The following GGA2 variants were observed in gnomAD, a reference collection of about 807,000 sequenced individuals.
The protein encoded by GGA2 is ADP-ribosylation factor-binding protein GGA2.
GGA2 carries 48 observed loss-of-function variants against 79.5 expected under a neutral mutation model. The ratio of observed to expected loss-of-function variants is 0.60; its 90% CI spans 0.48 to 0.77. The LOEUF (loss-of-function observed/expected upper bound fraction) is 0.77, where lower values mean the gene tolerates loss of function less well. Ranked by LOEUF, GGA2 falls within the 30% of genes least tolerant of loss-of-function variation. The pLI is 0.00. For synonymous variants in GGA2, 317 were observed against 302.0 expected, an observed-to-expected ratio of 1.05 and a Z score of -0.51; for missense variants, 770 against 774.0, an observed-to-expected ratio of 0.99 and a Z score of 0.06.
intron 7 of GGA2, 127 bp from the exon 8 acceptor site, chr16:23,486,279 G>T: frequency 1.3e-6 from 1 of 787,656 alleles, no homozygotes; most frequent in Non-Finnish European, 2.1e-6. Flanking sequence ...TTAAGTGCAT[G>T]GGAGAACTCA....
intron 1 of GGA2, among the ~76,000 whole-genome samples, chr16:23,520,253 C>CCA (rs1555501913): frequency 1.7e-5 from 2 of 114,442 alleles, no homozygotes; most frequent in African/African-American, 6.7e-5. Context: ...AACTACGTCT[C>CCA]AAAAAAAAAA....
At chr16:23,478,981 C>T (rs755650798) in intron 11 of GGA2, 70 bp from the exon 12 acceptor site, 8 of 1,041,042 alleles carry the variant, frequency 7.7e-6, no homozygotes, top group Non-Finnish European at 1.2e-5. Flanking sequence ...AGTAATGCCA[C>T]ACCCATCCTT....
At position 23,480,532 on chromosome 16, in the gene GGA2, C is replaced by T. The variant is rs1964633522; in HGVS notation, c.1006+113G>A. ...CTTTCACAGGAAGGGGAACAAAGGG[C>T]GAGTTCTCTCATTTCTATTCCTTAA... On this transcript the variant is annotated intron_variant, in intron 10 of 16. Transcript: ENST00000309859. The T allele has an allele frequency of 5.7e-6, 5 of 880,092 alleles. No individual in the cohort carries two copies. In the Admixed American group the frequency reaches 7.4e-5, roughly 13 times the overall value. The allele number at this position is 880,092 out of a possible 1,614,324, so 54.5% of individuals were successfully genotyped here.
chr16:23,512,136 C>T (rs1965073636), upstream of GGA2, among the ~76,000 whole-genome samples: 2 of 152,182 alleles, frequency 1.3e-5, no homozygotes, highest in South Asian at 2.1e-4. Flanking sequence ...GAAGAAGAGA[C>T]CCAGAGCCAC....
At chr16:23,480,924 G>A (rs1225558148) in intron 9 of GGA2, among the ~76,000 whole-genome samples, 154 bp from the exon 10 acceptor site, 2 of 152,176 alleles carry the variant, frequency 1.3e-5, no homozygotes, top group African/African-American at 4.8e-5. Flanking sequence ...GACCCTATCA[G>A]GCCTAGTCAG....
intron 14 of GGA2, among the ~76,000 whole-genome samples, chr16:23,473,356 T>TTTA (rs1555498980): frequency 2.1e-5 from 3 of 140,402 alleles, no homozygotes; most frequent in Admixed American, 7.3e-5. Flanking sequence ...TTTTTTTTTT[T>TTTA]AGACAGAGTC....
chr16:23,499,540 G>A (rs898467452), intron 1 of GGA2, among the ~76,000 whole-genome samples: 2 of 152,152 alleles, frequency 1.3e-5, no homozygotes, highest in African/African-American at 2.4e-5. Flanking sequence ...TCCACAAAAT[G>A]TAAGGAGGTT....
At chr16:23,469,118 G>T in intron 15 of GGA2, 122 bp from the exon 16 acceptor site, 1 of 625,564 alleles carries the variant, frequency 1.6e-6, no homozygotes, top group Non-Finnish European at 2.9e-6. Flanking sequence ...CCTCTTAAAC[G>T]TGGTACCCCG....
Position 23,467,672 on chromosome 16 carries a change from G to T in GGA2, c.1760C>A (p.Thr587Lys). 1 of 1,603,074 alleles carries T rather than the reference G, an allele frequency of 6.2e-7. No individual in the cohort carries two copies. The highest frequency in any genetic ancestry group is 8.5e-7 in the Non-Finnish European group (1 of 1,169,918). Residue 587 changes from threonine to lysine, a missense_variant, in exon 17 of 17, where the codon ACA becomes AAA. Coordinates refer to ENST00000309859, the MANE Select transcript of GGA2 (RefSeq NM_015044.4). ...GAAAGGCTGTCCACCTTGGTTGAAT[G>T]TCAGCTTGTACCGTAAGCGGATAGG... Reference protein sequence around the residue: ...KEPIRLRYKLTFNQGGQPFSE... With the variant: ...KEPIRLRYKLKFNQGGQPFSE...
chr16:23,501,256 T>C, intron 1 of GGA2: 1 of 454,254 alleles, frequency 2.2e-6, no homozygotes, highest in Non-Finnish European at 4.4e-6. Flanking sequence ...TTTTAACTAA[T>C]GGTAGCATCG....
intron 8 of GGA2, among the ~76,000 whole-genome samples, chr16:23,484,240 T>C (rs932910117): frequency 7.3e-5 from 11 of 149,958 alleles, no homozygotes; most frequent in Non-Finnish European, 1.3e-4. Context: ...AAACCCTGTC[T>C]CTACTTAAAA....
chr16:23,479,736 G>C (rs376631291), intron 11 of GGA2, 29 bp downstream of exon 11: 2 of 1,612,672 alleles, frequency 1.2e-6, no homozygotes, highest in Non-Finnish European at 1.7e-6. Flanking sequence ...CCCATCCTGT[G>C]CCTGCTCCCC....
chr16:23,497,543 G>C (rs889918744), intron 1 of GGA2, among the ~76,000 whole-genome samples: 1 of 152,152 alleles, frequency 6.6e-6, no homozygotes, highest in Non-Finnish European at 1.5e-5. Flanking sequence ...TAAGTGAAGA[G>C]AGAACACAAG....
At position 23,510,379 on chromosome 16, in the gene GGA2, CG is replaced by C; in HGVS notation, c.32del (p.Ala11GlyfsTer43). 7.1e-7 allele frequency: 1 copy of C among 1,413,516 alleles called. No homozygotes were observed. Among genetic ancestry groups the C allele is most frequent in the Non-Finnish European group, 9.2e-7 (1 of 1,082,536 alleles). 87.6% of individuals were successfully genotyped at this position (1,413,516 alleles called of 1,614,324 possible). On this transcript the variant is annotated frameshift_variant, in exon 1 of 17. Coordinates refer to ENST00000309859, the MANE Select transcript of GGA2 (RefSeq NM_015044.4). LOFTEE classifies it high-confidence loss of function. ...GGGGACCCTGGGCCGACTCGGTTCCCGCCACAGCCGCCGCCACCGCGGTCGC... is the reference window on the plus strand; with the variant it reads ...GGGGACCCTGGGCCGACTCGGTTCCCCCACAGCCGCCGCCACCGCGGTCGC... The part of the protein sequence containing the change: MAATAVAAAV[A>X]GTESAQGPPG...
intron 8 of GGA2, among the ~76,000 whole-genome samples, chr16:23,484,410 C>G (rs1235756261): frequency 6.6e-6 from 1 of 152,020 alleles, no homozygotes; most frequent in African/African-American, 2.4e-5. Flanking sequence ...AGAGCGAGAC[C>G]TTGTCTCAAA....
At position 23,467,310 on chromosome 16, in the gene GGA2, AGATGAT is replaced by A. The variant is rs1165582022; in HGVS notation, c.*274_*279del. On this transcript the variant is annotated 3_prime_UTR_variant, in exon 17 of 17. Transcript: ENST00000309859. ...ACATGCAGAAACATGACTGTAGCAG[AGATGAT>A]GATGATGAGAAATGCTTCGCATTTC... is the stretch of plus-strand genomic sequence containing the variant. The A allele has an allele frequency of 2.6e-6, 1 of 384,164 alleles. No individual in the cohort carries two copies. Among genetic ancestry groups the A allele is most frequent in the Non-Finnish European group, 4.8e-6 (1 of 209,358 alleles). The allele number at this position is 384,164 out of a possible 1,614,324, so 23.8% of individuals were successfully genotyped here.
intron 7 of GGA2, among the ~76,000 whole-genome samples, chr16:23,486,464 T>C (rs1234646030): frequency 6.6e-6 from 1 of 152,044 alleles, no homozygotes; most frequent in Non-Finnish European, 1.5e-5. Flanking sequence ...CCCAAGCTGG[T>C]GTCTAGGAAA....
Position 23,465,318 on chromosome 16 carries a change from A to C in GGA2, c.*2272T>G, listed in dbSNP as rs1567355442. 7.1e-6 allele frequency: 5 copies of C among 702,666 alleles called. No homozygotes were observed. Among genetic ancestry groups the C allele is most frequent in the Non-Finnish European group, 1.3e-5 (5 of 384,816 alleles). The allele number at this position is 702,666 out of a possible 1,614,324, so 43.5% of individuals were successfully genotyped here. On this transcript the variant is annotated 3_prime_UTR_variant, in exon 17 of 17. Transcript: ENST00000309859. ...CTTGTTAAGTGAATGAAGAGGTAGGAGCTGGGCTCTAAGTGGCCACTGGAC... is the reference window on the plus strand; with the variant it reads ...CTTGTTAAGTGAATGAAGAGGTAGGCGCTGGGCTCTAAGTGGCCACTGGAC...
chr16:23,472,212 T>TA (rs1491564995), intron 14 of GGA2, among the ~76,000 whole-genome samples: 3 of 83,426 alleles, frequency 3.6e-5, no homozygotes, highest in East Asian at 3.6e-4. Flanking sequence ...TTTTTTTTTT[T>TA]AGACACAGTC....
Sources: allele counts gnomAD v4.1 joint callset (sites outside exome capture counted in the v4.1 genomes callset), GRCh38; gene constraint gnomAD v4.1.1; transcripts MANE v1.5; gene names NCBI Gene and HGNC (gene_info 2026-07-23, HGNC 2026-07-21).